Variants in SRSF12 observed in about 807,000 individuals in gnomAD.
SRSF12 encodes the protein serine and arginine rich splicing factor 12.
SRSF12 carries 21 observed loss-of-function variants against 34.1 expected under a neutral mutation model. The ratio of observed to expected loss-of-function variants is 0.62; its 90% CI spans 0.44 to 0.89. SRSF12 has a LOEUF of 0.89. SRSF12 is among the 40% of genes least tolerant of loss of function. SRSF12 has a pLI of 0.00. For missense variants in SRSF12, 278 were observed against 327.8 expected (o/e 0.85, Z 1.17); for synonymous variants, 111 against 110.8 (o/e 1.00, Z -0.01).
At chr6:89,106,279 A>G (rs1345150150) in intron 2 of SRSF12, among the ~76,000 whole-genome samples, 1 of 82,918 alleles carries the variant, frequency 1.2e-5, no homozygotes, top group Non-Finnish European at 3.1e-5. Flanking sequence ...CACCCGGCTA[A>G]TTTTTGTATT....
chr6:89,104,572 C>T (rs1768698456), intron 4 of SRSF12, among the ~76,000 whole-genome samples: 2 of 151,172 alleles, frequency 1.3e-5, no homozygotes, highest in Non-Finnish European at 2.9e-5. Flanking sequence ...TTTCTGCTCA[C>T]TATATATTAT....
Position 89,117,831 on chromosome 6 carries a change from G to T in SRSF12, c.57C>A (p.Asp19Glu). Reference protein sequence around the residue: ...NTSLFIRNVADATRPEDLRRE... With the variant: ...NTSLFIRNVAEATRPEDLRRE... ...CAGCCGCGGCCGTTCACCTGGTGGCGTCCGCGACGTTCCTGATGAACAGGG... is the reference window on the plus strand; with the variant it reads ...CAGCCGCGGCCGTTCACCTGGTGGCTTCCGCGACGTTCCTGATGAACAGGG... The change falls in exon 1 of 5, where the codon GAC (aspartate) becomes GAA (glutamate). Residue 19 changes from aspartate to glutamate, a missense_variant. By Grantham distance (45) the Asp-to-Glu change is conservative (BLOSUM62 2). Coordinates refer to ENST00000452027, the MANE Select transcript of SRSF12 (RefSeq NM_080743.5). 6.4e-7 allele frequency: 1 copy of T among 1,557,384 alleles called. No homozygotes were observed. Among genetic ancestry groups the T allele is most frequent in the Non-Finnish European group, 8.7e-7 (1 of 1,154,468 alleles).
chr6:89,117,289 A>C (rs1055706476), intron 1 of SRSF12, among the ~76,000 whole-genome samples: 7 of 152,230 alleles, frequency 4.6e-5, no homozygotes, highest in African/African-American at 1.7e-4. Flanking sequence ...TGTGTGAATA[A>C]AATGCAAGCA....
intron 4 of SRSF12, 132 bp downstream of exon 4, chr6:89,104,987 T>G: frequency 1.2e-6 from 1 of 856,080 alleles, no homozygotes; most frequent in East Asian, 2.9e-5. Flanking sequence ...GTCTAGGAGG[T>G]CAAGTCTACA....
chr6:89,114,708 T>C (rs956308742), intron 1 of SRSF12, among the ~76,000 whole-genome samples: 1 of 152,240 alleles, frequency 6.6e-6, no homozygotes, highest in Non-Finnish European at 1.5e-5. Flanking sequence ...AGATCAGGTG[T>C]CACCTGCAGA....
At chr6:89,106,844 T>C in intron 2 of SRSF12, 1 of 387,164 alleles carries the variant, frequency 2.6e-6, no homozygotes, top group Non-Finnish European at 5.0e-6. Context: ...CTTTGTCTTT[T>C]GCTTGATAAA....
Position 89,117,969 on chromosome 6 carries a change from G to A in SRSF12, c.-82C>T, listed in dbSNP as rs1473516728. On this transcript the variant is annotated 5_prime_UTR_variant, in exon 1 of 5. Coordinates refer to ENST00000452027, the MANE Select transcript of SRSF12 (RefSeq NM_080743.5). ...CCCGCTACCGCTGCTACCACCACAG[G>A]AGCTCCGCCGGCCCCCGGCGCGACC... 3 of 1,426,840 alleles carry A rather than the reference G, an allele frequency of 2.1e-6. No homozygotes were observed. The highest frequency in any genetic ancestry group is 1.3e-5 in the South Asian group (1 of 77,038). The allele number at this position is 1,426,840 out of a possible 1,614,324, so 88.4% of individuals were successfully genotyped here.
rs1195006491 is a variant in SRSF12, at chr6:89,099,003, A to G, written c.417-56T>C. 4.6e-6 allele frequency: 7 copies of G among 1,519,592 alleles called. No homozygotes were observed. The East Asian group carries it at 6.9e-5, about 15-fold the overall frequency. The allele number at this position is 1,519,592 out of a possible 1,614,324, so 94.1% of individuals were successfully genotyped here. On this transcript the variant is annotated intron_variant, in intron 4 of 4. Coordinates refer to ENST00000452027, the MANE Select transcript of SRSF12 (RefSeq NM_080743.5). ...TTTCACACAAAATAAGAGATCAGGA[A>G]ATAACACTTTCAGGAACTTACATAC... is the stretch of plus-strand genomic sequence containing the variant.
chr6:89,102,952 T>C lies in SRSF12; in HGVS notation c.416+2167A>G, dbSNP rs557385745. Among the ~76,000 whole-genome samples, 23 of 152,122 alleles carry C rather than the reference T, an allele frequency of 1.5e-4. No homozygotes were observed. The East Asian group carries it at 3.1e-3, about 20-fold the overall frequency. On this transcript the variant is annotated intron_variant, in intron 4 of 4. Transcript: ENST00000452027. ...TAATTTTTTTTAGTTTTTGTAGACA[T>C]GGGGGTCTCACTATGTTGCCCAGGC...
chr6:89,105,130 G>A lies in SRSF12; in HGVS notation c.405C>T (p.Asp135=). ...CCTCTTATACTCACTCTTTAAGGCT[G>A]TCTGACCGCCTCCTATTTCTTCCCC... ...SSWGRNRRRS[D]SLKESRHRRF... The change falls in exon 4 of 5, where the codon GAC becomes GAT. Residue 135 remains aspartate, a synonymous_variant. Coordinates refer to ENST00000452027, the MANE Select transcript of SRSF12 (RefSeq NM_080743.5). 1 of 1,612,064 alleles carries A rather than the reference G, an allele frequency of 6.2e-7. No homozygotes were observed. The highest frequency in any genetic ancestry group is 8.5e-7 in the Non-Finnish European group (1 of 1,178,846).
At chr6:89,108,350 C>CA (rs1232772718) in intron 1 of SRSF12, among the ~76,000 whole-genome samples, 4 of 152,168 alleles carry the variant, frequency 2.6e-5, no homozygotes, top group Non-Finnish European at 5.9e-5. Flanking sequence ...ATGATACAGA[C>CA]AGATTATGGG....
At chr6:89,114,785 TA>T (rs1192480321) in intron 1 of SRSF12, among the ~76,000 whole-genome samples, 1 of 152,166 alleles carries the variant, frequency 6.6e-6, no homozygotes, top group Non-Finnish European at 1.5e-5. Flanking sequence ...AAATTGCCAA[TA>T]TTTTACTGCT....
At chr6:89,107,930 G>A (rs1435291095) in intron 1 of SRSF12, among the ~76,000 whole-genome samples, 1 of 152,124 alleles carries the variant, frequency 6.6e-6, no homozygotes, top group Non-Finnish European at 1.5e-5. Flanking sequence ...GACCTAATAA[G>A]TAATTGTTTC....
chr6:89,104,510 A>ATAAGTG (rs1463271204), intron 4 of SRSF12, among the ~76,000 whole-genome samples: 1 of 152,058 alleles, frequency 6.6e-6, no homozygotes, highest in African/African-American at 2.4e-5. Flanking sequence ...TGCTGGGATC[A>ATAAGTG]TAAGTGTGAG....
chr6:89,099,708 T>C (rs1768450844), intron 4 of SRSF12, among the ~76,000 whole-genome samples: 1 of 152,090 alleles, frequency 6.6e-6, no homozygotes, highest in Admixed American at 6.6e-5. Context: ...GCTAACTTTG[T>C]ATTTTCAGTA....
chr6:89,101,204 T>G (rs1009703279), intron 4 of SRSF12, among the ~76,000 whole-genome samples: 6 of 148,544 alleles, frequency 4.0e-5, no homozygotes, highest in Admixed American at 1.3e-4. Context: ...TTTTAAGAAA[T>G]CCCTAAAAGA....
chr6:89,108,807 TTAATA>T (rs1174680618), intron 1 of SRSF12, among the ~76,000 whole-genome samples: 4 of 152,208 alleles, frequency 2.6e-5, no homozygotes, highest in Non-Finnish European at 4.4e-5. Flanking sequence ...TTAGTGTGTA[TTAATA>T]TAATTATTAG....
rs1156633258 is a variant in SRSF12 at position 89,104,016 on chromosome 6, T to TTTTG, written c.416+1102_416+1103insCAAA. Among the ~76,000 whole-genome samples, 219 of 69,904 alleles carry TTTTG rather than the reference T, an allele frequency of 3.1e-3. 4 individuals are homozygous for TTTTG. The East Asian group carries it at 0.047, about 15-fold the overall frequency. 45.9% of individuals were successfully genotyped at this position (69,904 alleles called of 152,430 possible). ...CTTTTTTTTTTTTTTTTTTTTTTTT[T>TTTTG]TGGAGAGACGGAGTCTCACCATGTT... On this transcript the variant is annotated intron_variant, in intron 4 of 4. Transcript: ENST00000452027.
intron 1 of SRSF12, among the ~76,000 whole-genome samples, chr6:89,113,662 T>C (rs996804406): frequency 1.3e-5 from 2 of 152,128 alleles, no homozygotes; most frequent in African/African-American, 4.8e-5. Flanking sequence ...TATTTATTTA[T>C]TTTTGAGACA....
Sources: gnomAD v4.1 joint callset for allele counts (sites outside exome capture counted in the v4.1 genomes callset) on GRCh38, gnomAD v4.1.1 for gene constraint, MANE v1.5 for transcripts, NCBI Gene and HGNC (gene_info 2026-07-23, HGNC 2026-07-21) for gene names.